RUNDC3B: variants seen among roughly 807,000 people sequenced by gnomAD.
The protein encoded by RUNDC3B is RUN domain-containing protein 3B.
Under a neutral mutation model 58.4 loss-of-function variants are expected in RUNDC3B, and 33 were observed. The ratio of observed to expected loss-of-function variants is 0.56; its 90% CI spans 0.43 to 0.75. The LOEUF (loss-of-function observed/expected upper bound fraction) is 0.75. Among genes scored for constraint, RUNDC3B ranks in the 30% least tolerant of loss-of-function variants. RUNDC3B has a pLI of 0.00. For synonymous variants in RUNDC3B, 193 were observed against 195.2 expected (o/e 0.99, Z 0.10); for missense variants, 501 against 535.7 (o/e 0.94, Z 0.64).
In RUNDC3B at chr7:87,831,162, T is replaced by C. The variant is rs1838108870; in HGVS notation, c.*1132T>C. The C allele has an allele frequency of 6.6e-6, 1 of 151,326 alleles. No homozygotes were observed. Among genetic ancestry groups the C allele is most frequent in the African/African-American group, 2.4e-5 (1 of 41,274 alleles). The allele number at this position is 151,326 out of a possible 1,614,324, so 9.4% of individuals were successfully genotyped here. A position where few individuals can be genotyped will look rare whatever the true frequency, so the allele number is the denominator to read the frequency against. ...ACATTAATCCCTAAAAATCCCACCA[T>C]ACTGAAAATGTATGGCGTGTATTTT... On this transcript the variant is annotated 3_prime_UTR_variant, in exon 11 of 11. Transcript: ENST00000394654.
chr7:87,669,427 C>T lies in RUNDC3B; in HGVS notation c.238+18490C>T, dbSNP rs542230714. On this transcript the variant is annotated intron_variant, in intron 2 of 10. Coordinates refer to ENST00000394654, the MANE Select transcript of RUNDC3B (RefSeq NM_001134405.2). ...TACCATTGGGTCTTGCTTTTTTATC[C>T]AGCTTCTCACTGTGCCTTTTAAGTG... 7.2e-5 allele frequency among the ~76,000 whole-genome samples: 11 copies of T among 152,070 alleles called. 1 individual carries two copies. The South Asian group carries it at 2.1e-3, about 29-fold the overall frequency.
chr7:87,802,017 T>G (rs1224733440), intron 8 of RUNDC3B, among the ~76,000 whole-genome samples: 1 of 152,174 alleles, frequency 6.6e-6, no homozygotes, highest in Non-Finnish European at 1.5e-5. Flanking sequence ...TAGTGAAAAG[T>G]CCTTGGTGTT....
intron 9 of RUNDC3B, among the ~76,000 whole-genome samples, chr7:87,814,813 A>G (rs1836942417): frequency 6.6e-6 from 1 of 152,192 alleles, no homozygotes; most frequent in African/African-American, 2.4e-5. Flanking sequence ...ATCAAATTAT[A>G]AAGTGAGAAC....
At chr7:87,726,571 G>T (rs1487827360) in intron 4 of RUNDC3B, among the ~76,000 whole-genome samples, 4 of 152,138 alleles carry the variant, frequency 2.6e-5, no homozygotes. Context: ...TCTTGGCAAT[G>T]CAGGCTCTTT....
At chr7:87,758,579 G>T (rs188652585) in intron 6 of RUNDC3B, among the ~76,000 whole-genome samples, 207 of 152,240 alleles carry the variant, frequency 1.4e-3, no homozygotes, top group Middle Eastern at 3.4e-3. Flanking sequence ...CTATTCATCT[G>T]ACAAGGGATT....
intron 4 of RUNDC3B, among the ~76,000 whole-genome samples, chr7:87,727,525 G>T (rs1831307885): frequency 6.6e-6 from 1 of 152,018 alleles, no homozygotes; most frequent in Non-Finnish European, 1.5e-5. Flanking sequence ...AAATTGTTAA[G>T]TTATTCATTT....
At chr7:87,800,592 T>C (rs1392663312) in intron 8 of RUNDC3B, among the ~76,000 whole-genome samples, 1 of 152,108 alleles carries the variant, frequency 6.6e-6, no homozygotes, top group Non-Finnish European at 1.5e-5. Context: ...ATGAATGTAC[T>C]AATTTACATT....
At chr7:87,636,692 A>G (rs1201212633) in intron 1 of RUNDC3B, among the ~76,000 whole-genome samples, 1 of 152,172 alleles carries the variant, frequency 6.6e-6, no homozygotes, top group Non-Finnish European at 1.5e-5. Context: ...TTACATTTAT[A>G]TCAACAATCC....
At chr7:87,795,124 A>G (rs887041179) in intron 8 of RUNDC3B, among the ~76,000 whole-genome samples, 4 of 152,324 alleles carry the variant, frequency 2.6e-5, no homozygotes, top group Non-Finnish European at 4.4e-5. Context: ...AAAATGGACA[A>G]ATGAGATCAC....
chr7:87,715,200 ATAT>A (rs1209206237), intron 4 of RUNDC3B, among the ~76,000 whole-genome samples: 1 of 139,164 alleles, frequency 7.2e-6, no homozygotes, highest in Non-Finnish European at 1.5e-5. Flanking sequence ...TATATATATA[ATAT>A]TATAAATATA....
intron 3 of RUNDC3B, among the ~76,000 whole-genome samples, chr7:87,703,914 G>GTTTTTTTTTTTTTTT (rs35797972): frequency 1.9e-3 from 82 of 42,966 alleles, no homozygotes; most frequent in Middle Eastern, 0.022. Context: ...TTTTTTTTTG[G>GTTTTTTTTTTTTTTT]TTTTTTTTTT....
chr7:87,784,007 T>C (rs897379807), intron 8 of RUNDC3B, among the ~76,000 whole-genome samples: 1 of 152,186 alleles, frequency 6.6e-6, no homozygotes, highest in Admixed American at 6.5e-5. Context: ...TAGTATCTCA[T>C]AGAGGTTCTC....
intron 4 of RUNDC3B, among the ~76,000 whole-genome samples, chr7:87,711,797 C>T (rs1378999389): frequency 6.6e-6 from 1 of 152,184 alleles, no homozygotes; most frequent in East Asian, 1.9e-4. Context: ...GTGTTTTCCT[C>T]ATCACAGAAG....
chr7:87,685,344 C>T (rs1683624063), intron 2 of RUNDC3B, among the ~76,000 whole-genome samples: 2 of 152,110 alleles, frequency 1.3e-5, no homozygotes, highest in African/African-American at 4.8e-5. Context: ...AGATGTTCAA[C>T]ATCATTAGTA....
rs561253495 is a variant in RUNDC3B at position 87,644,988 on chromosome 7, A to G, written c.123-5834A>G. Among the ~76,000 whole-genome samples, 14 of 152,040 alleles carry G rather than the reference A, an allele frequency of 9.2e-5. No homozygotes were observed. In the South Asian group the frequency reaches 2.9e-3, roughly 32 times the overall value. Reference sequence around the variant, plus strand: ...TAATATGTTTTAAACAGTTTTGGTAACCATCTCATTTCTCTTGCTATGATG... The same window carrying G: ...TAATATGTTTTAAACAGTTTTGGTAGCCATCTCATTTCTCTTGCTATGATG... On this transcript the variant is annotated intron_variant, in intron 1 of 10. Coordinates refer to ENST00000394654, the MANE Select transcript of RUNDC3B (RefSeq NM_001134405.2).
intron 8 of RUNDC3B, among the ~76,000 whole-genome samples, chr7:87,788,836 T>C (rs2130902840): frequency 6.6e-6 from 1 of 152,230 alleles, no homozygotes; most frequent in African/African-American, 2.4e-5. Flanking sequence ...TTATTTATGC[T>C]AATTGGTGGA....
intron 10 of RUNDC3B, among the ~76,000 whole-genome samples, chr7:87,828,371 A>T (rs1210601974): frequency 6.6e-6 from 1 of 151,922 alleles, no homozygotes; most frequent in Non-Finnish European, 1.5e-5. Context: ...CTTGCCCCCC[A>T]CCACACCTCC....
chr7:87,632,813 T>A (rs1821360237), intron 1 of RUNDC3B, among the ~76,000 whole-genome samples: 1 of 152,228 alleles, frequency 6.6e-6, no homozygotes, highest in South Asian at 2.1e-4. Flanking sequence ...GGCTTAACAA[T>A]GTCTTATGAG....
At chr7:87,816,063 A>G in intron 9 of RUNDC3B, 78 bp from the exon 10 acceptor site, 1 of 1,020,240 alleles carries the variant, frequency 9.8e-7, no homozygotes, top group Non-Finnish European at 1.5e-6. Context: ...TAACATATTG[A>G]AAACCATTAA....
Sources: gnomAD v4.1 joint callset for allele counts (sites outside exome capture counted in the v4.1 genomes callset) on GRCh38, gnomAD v4.1.1 for gene constraint, MANE v1.5 for transcripts, NCBI Gene and HGNC (gene_info 2026-07-23, HGNC 2026-07-21) for gene names.